The following KHDRBS2 variants were observed in gnomAD, a reference collection of about 807,000 sequenced individuals.
The protein encoded by KHDRBS2 is KH domain-containing, RNA-binding, signal transduction-associated protein 2.
A neutral mutation model predicts 44.3 loss-of-function variants in KHDRBS2; 26 were observed. That is an observed-to-expected ratio of 0.59 (90% CI 0.43 to 0.81). The LOEUF (loss-of-function observed/expected upper bound fraction) is 0.81, where lower values mean the gene tolerates loss of function less well. KHDRBS2 is among the 40% of genes least tolerant of loss of function. The pLI, the probability that KHDRBS2 is intolerant of heterozygous loss-of-function variation, is 0.00. For synonymous variants in KHDRBS2, 194 were observed against 151.1 expected (o/e 1.28, Z -2.08); for missense variants, 476 against 433.1 (o/e 1.10, Z -0.88).
At chr6:62,019,590 G>A (rs997973223) in intron 3 of KHDRBS2, among the ~76,000 whole-genome samples, 1 of 152,038 alleles carries the variant, frequency 6.6e-6, no homozygotes, top group Non-Finnish European at 1.5e-5. Context: ...TTTGTTTGCG[G>A]AAGGCTTCTT....
At chr6:61,800,936 G>T (rs1401325949) in intron 6 of KHDRBS2, among the ~76,000 whole-genome samples, 1 of 152,058 alleles carries the variant, frequency 6.6e-6, no homozygotes, top group East Asian at 1.9e-4. Flanking sequence ...GTTCCTAGAT[G>T]CTGTGTTGCC....
chr6:62,040,295 C>T (rs1440400143), intron 3 of KHDRBS2, among the ~76,000 whole-genome samples: 2 of 151,992 alleles, frequency 1.3e-5, no homozygotes, highest in African/African-American at 2.4e-5. Flanking sequence ...TCAATCTGCG[C>T]TTATCGCCAT....
the KHDRBS2 span, among the ~76,000 whole-genome samples, chr6:61,586,105 C>G: frequency 5.9e-5 from 9 of 152,272 alleles, no homozygotes; most frequent in African/African-American, 1.7e-4. Context: ...TCAAGCCTTG[C>G]CATAAGACAC....
intron 6 of KHDRBS2, among the ~76,000 whole-genome samples, chr6:61,753,810 G>A (rs973267598): frequency 1.3e-5 from 2 of 152,080 alleles, no homozygotes; most frequent in Admixed American, 1.3e-4. Flanking sequence ...TTTGTAAAAG[G>A]GTTTTTGCAG....
At chr6:62,088,262 TGGA>T (rs1268666157) in intron 2 of KHDRBS2, among the ~76,000 whole-genome samples, 2 of 152,318 alleles carry the variant, frequency 1.3e-5, no homozygotes, top group East Asian at 1.9e-4. Context: ...TGTGATCTTT[TGGA>T]GGAGAAGAGG....
chr6:61,552,661 A>T, the KHDRBS2 span, among the ~76,000 whole-genome samples: 1 of 152,156 alleles, frequency 6.6e-6, no homozygotes, highest in Non-Finnish European at 1.5e-5. Flanking sequence ...TATTATTTTG[A>T]GGCAGATTCC....
At chr6:61,784,264 G>T (rs1783448408) in intron 6 of KHDRBS2, among the ~76,000 whole-genome samples, 1 of 151,600 alleles carries the variant, frequency 6.6e-6, no homozygotes, top group Non-Finnish European at 1.5e-5. Flanking sequence ...TTAAGCATAT[G>T]AAAAGTATTT....
Position 61,983,202 on chromosome 6 carries a change from T to TTCTTTCTTTTCTTTCTTTCTC in KHDRBS2, c.337-4991_337-4990insGAGAAAGAAAGAAAAGAAAGA, listed in dbSNP as rs1774259757. Among the ~76,000 whole-genome samples the TTCTTTCTTTTCTTTCTTTCTC allele has an allele frequency of 1.3e-4, 7 of 55,148 alleles. No homozygotes were observed. The South Asian group carries it at 6.2e-3, about 49-fold the overall frequency. 36.2% of individuals were successfully genotyped at this position (55,148 alleles called of 152,430 possible). On this transcript the variant is annotated intron_variant, in intron 3 of 8. Transcript: ENST00000281156. Reference sequence around the variant, plus strand: ...TTGAGTAATTAAAGTTTTTTTCATTTTCTTTCTTTCTTTCTTTCTTTCTTT... The same window carrying TTCTTTCTTTTCTTTCTTTCTC: ...TTGAGTAATTAAAGTTTTTTTCATTTTCTTTCTTTTCTTTCTTTCTCTCTTTCTTTCTTTCTTTCTTTCTTT...
At chr6:61,955,659 T>C (rs71552587) in intron 4 of KHDRBS2, among the ~76,000 whole-genome samples, 20,038 of 100,234 alleles carry the variant, frequency 0.2, 3,446 homozygotes, top group Non-Finnish European at 0.26. Flanking sequence ...TGTATGCATA[T>C]ATGTGTATAT....
chr6:61,553,753 T>C, the KHDRBS2 span, among the ~76,000 whole-genome samples: 1 of 152,204 alleles, frequency 6.6e-6, no homozygotes, highest in Non-Finnish European at 1.5e-5. Context: ...GATTTCATTA[T>C]TTACCAAAAA....
chr6:61,800,357 A>G (rs1196589619), intron 6 of KHDRBS2, among the ~76,000 whole-genome samples: 1 of 152,120 alleles, frequency 6.6e-6, no homozygotes, highest in Non-Finnish European at 1.5e-5. Flanking sequence ...GTCATCATTA[A>G]TATGAGGAGC....
chr6:61,765,642 T>A (rs1398503109), intron 6 of KHDRBS2, among the ~76,000 whole-genome samples: 1 of 152,156 alleles, frequency 6.6e-6, no homozygotes, highest in Non-Finnish European at 1.5e-5. Context: ...ATGGCCTTTA[T>A]CATGTTGAGG....
intron 3 of KHDRBS2, among the ~76,000 whole-genome samples, chr6:61,989,020 A>G (rs1775609859): frequency 6.6e-6 from 1 of 152,220 alleles, no homozygotes. Context: ...GTGTTAAAAG[A>G]CATGATTTAC....
intron 4 of KHDRBS2, among the ~76,000 whole-genome samples, chr6:61,937,468 T>C (rs1811245015): frequency 1.3e-5 from 2 of 152,218 alleles, no homozygotes; most frequent in African/African-American, 4.8e-5. Flanking sequence ...CTCATGTGTT[T>C]TGTAATATTT....
the KHDRBS2 span, among the ~76,000 whole-genome samples, chr6:61,550,681 G>A: frequency 6.7e-6 from 1 of 149,520 alleles, no homozygotes; most frequent in Non-Finnish European, 1.5e-5. Flanking sequence ...CAGCATATAA[G>A]TATTCCCTTT....
At chr6:62,033,211 G>A (rs1607081) in intron 3 of KHDRBS2, among the ~76,000 whole-genome samples, 125,820 of 151,882 alleles carry the variant, frequency 0.83, 52,473 homozygotes, top group Admixed American at 0.88. Context: ...AACCACAACC[G>A]TAGGTTCTAG....
intron 1 of KHDRBS2, among the ~76,000 whole-genome samples, chr6:62,245,105 G>A (rs1224691354): frequency 1.3e-5 from 2 of 152,098 alleles, no homozygotes; most frequent in Non-Finnish European, 2.9e-5. Context: ...GGTTTTTGGA[G>A]ACTCATTACT....
the KHDRBS2 span, among the ~76,000 whole-genome samples, chr6:61,619,655 T>C: frequency 3.3e-5 from 5 of 152,118 alleles, no homozygotes; most frequent in African/African-American, 9.7e-5. Context: ...GGTTTCTCCA[T>C]GTTTGTCAGA....
intron 6 of KHDRBS2, among the ~76,000 whole-genome samples, chr6:61,739,206 TC>T (rs1256178572): frequency 3.3e-5 from 5 of 151,862 alleles, no homozygotes; most frequent in Non-Finnish European, 5.9e-5. Context: ...CACAATAGAA[TC>T]CCAATAAATC....
Sources: gnomAD v4.1 joint callset for allele counts (sites outside exome capture counted in the v4.1 genomes callset) on GRCh38, gnomAD v4.1.1 for gene constraint, MANE v1.5 for transcripts, NCBI Gene and HGNC (gene_info 2026-07-23, HGNC 2026-07-21) for gene names.